Variants in SLC7A2 observed in about 807,000 individuals in gnomAD.
SLC7A2 encodes the protein cationic amino acid transporter 2.
SLC7A2 carries 48 observed loss-of-function variants against 58.9 expected under a neutral mutation model. The observed-to-expected ratio is 0.82, with a 90% CI of 0.65 to 1.04. The LOEUF is 1.04. Among genes scored for constraint, SLC7A2 ranks in the 50% least tolerant of loss-of-function variants. SLC7A2 has a pLI of 0.00. For missense variants in SLC7A2, 1,029 were observed against 818.8 expected (o/e 1.26, Z -3.13); for synonymous variants, 363 against 314.5 (o/e 1.15, Z -1.63).
chr8:17,543,598 G>A lies in SLC7A2; in HGVS notation c.259G>A (p.Ala87Thr). 1 of 1,606,312 alleles carries A rather than the reference G, an allele frequency of 6.2e-7. No homozygotes were observed. The highest frequency in any genetic ancestry group is 8.5e-7 in the Non-Finnish European group (1 of 1,176,332). Residue 87 changes from alanine (A) to threonine (T), a missense_variant, in exon 3 of 13, where the codon GCC becomes ACC. Physicochemically the swap from Ala to Thr is moderately conservative, Grantham distance 58. Transcript: ENST00000494857. ...LASVMAGLCY[A>T]EFGARVPKTG... ...TTCAGTGATGGCTGGCCTCTGCTAT[G>A]CCGAATTTGGGGCCCGTGTTCCCAA...
chr8:17,495,770 G>C (rs1799942201), upstream of SLC7A2, among the ~76,000 whole-genome samples: 1 of 152,132 alleles, frequency 6.6e-6, no homozygotes, highest in Non-Finnish European at 1.5e-5. Context: ...GACTGGTCTC[G>C]AACTCCTGAC....
intron 2 of SLC7A2, among the ~76,000 whole-genome samples, chr8:17,504,589 C>T (rs890458618): frequency 6.6e-6 from 1 of 152,086 alleles, no homozygotes; most frequent in South Asian, 2.1e-4. Flanking sequence ...TTAGAGAACC[C>T]ATATATGTTC....
chr8:17,538,803 C>T (rs762025224), intron 2 of SLC7A2: 5 of 1,613,252 alleles, frequency 3.1e-6, no homozygotes, highest in Non-Finnish European at 4.2e-6. Flanking sequence ...GCAGATGTCT[C>T]ACCACGAAAC....
rs148874201 is a variant in SLC7A2, at chr8:17,558,317, C to T, written c.1218C>T (p.Asp406=). 1,740 of 1,613,224 alleles carry T rather than the reference C, an allele frequency of 1.1e-3. 27 individuals carry two copies. The African/African-American group carries it at 0.02, about 19-fold the overall frequency. ...AVAALMAFLF[D]LKALVDMMSI... ...TAGCTTTGATGGCCTTTCTGTTTGA[C>T]CTGAAGGCGCTTGTGGACATGATGT... is the stretch of plus-strand genomic sequence containing the variant. The change falls in exon 9 of 13, where the codon GAC becomes GAT. Residue 406 remains aspartate, a synonymous_variant. Coordinates refer to ENST00000494857, the MANE Select transcript of SLC7A2 (RefSeq NM_001370338.1).
upstream of SLC7A2, among the ~76,000 whole-genome samples, chr8:17,494,686 C>G (rs561241066): frequency 6.6e-6 from 1 of 152,192 alleles, no homozygotes; most frequent in Non-Finnish European, 1.5e-5. Context: ...CGTGGGCATC[C>G]TATTCTTTCC....
At chr8:17,530,327 G>A (rs1208416884) in intron 2 of SLC7A2, among the ~76,000 whole-genome samples, 1 of 152,164 alleles carries the variant, frequency 6.6e-6, no homozygotes, top group East Asian at 1.9e-4. Flanking sequence ...GGGCAAGGGG[G>A]CAAGGTGGGG....
intron 2 of SLC7A2, among the ~76,000 whole-genome samples, chr8:17,521,176 T>G: frequency 6.6e-6 from 1 of 152,248 alleles, no homozygotes. Flanking sequence ...AAAGAATACA[T>G]TTAAAATATG....
chr8:17,529,607 T>C (rs1012664846), intron 2 of SLC7A2, among the ~76,000 whole-genome samples: 9 of 151,548 alleles, frequency 5.9e-5, no homozygotes, highest in Non-Finnish European at 1.2e-4. Context: ...CTTGGCCCAC[T>C]GCAACCTCTA....
At chr8:17,554,785 CTTT>C in intron 8 of SLC7A2, 86 bp downstream of exon 8, 1 of 1,408,230 alleles carries the variant, frequency 7.1e-7, no homozygotes, top group South Asian at 1.6e-5. Flanking sequence ...AGGTGGTTTT[CTTT>C]TTTGATTTCC....
At position 17,503,410 on chromosome 8, in the gene SLC7A2, C is replaced by T. The variant is rs573896604; in HGVS notation, c.-23+1108C>T. ...GAAGGGTGGCTTTTTCTTTAGATCG[C>T]GAGTTTTTTCCTTCCTGAAATTCAC... On this transcript the variant is annotated intron_variant, in intron 2 of 12. Transcript: ENST00000494857. Among the ~76,000 whole-genome samples, 4 of 152,184 alleles carry T rather than the reference C, an allele frequency of 2.6e-5. No homozygotes were observed. In the South Asian group the frequency reaches 6.2e-4, roughly 24 times the overall value.
chr8:17,560,509 G>T lies in SLC7A2; in HGVS notation c.1480G>T (p.Val494Leu). 1.9e-6 allele frequency: 3 copies of T among 1,613,754 alleles called. No homozygotes were observed. Among genetic ancestry groups the T allele is most frequent in the Non-Finnish European group, 2.5e-6 (3 of 1,179,802 alleles). Residue 494 changes from valine to leucine, a missense_variant, in exon 10 of 13, where the codon GTG becomes TTG. Physicochemically the swap from Val to Leu is conservative, Grantham distance 32. Coordinates refer to ENST00000494857, the MANE Select transcript of SLC7A2 (RefSeq NM_001370338.1). The part of the protein sequence containing the change: ...LLPTQQSASL[V>L]SFLVGFLAFL... ...GCCAACACAGCAGTCAGCTTCTCTC[G>T]TGAGCTTTCTGGTAGGATTCCTAGG... is the stretch of plus-strand genomic sequence containing the variant.
At chr8:17,530,274 C>T (rs1428773355) in intron 2 of SLC7A2, among the ~76,000 whole-genome samples, 1 of 152,144 alleles carries the variant, frequency 6.6e-6, no homozygotes, top group African/African-American at 2.4e-5. Context: ...TTGCTGTGTC[C>T]CTGCAGTAGC....
At chr8:17,553,907 C>G (rs11203869) in intron 7 of SLC7A2, among the ~76,000 whole-genome samples, 1 of 152,168 alleles carries the variant, frequency 6.6e-6, no homozygotes, top group African/African-American at 2.4e-5. Flanking sequence ...TTCCGAACAT[C>G]TCAAGCAAAA....
intron 2 of SLC7A2, among the ~76,000 whole-genome samples, chr8:17,526,130 A>G (rs2720492): frequency 0.43 from 65,477 of 152,030 alleles, 15,209 homozygotes; most frequent in Non-Finnish European, 0.52. Context: ...GACAAATACA[A>G]TCAAAATCCT....
At chr8:17,530,830 C>G (rs1247223128) in intron 2 of SLC7A2, among the ~76,000 whole-genome samples, 1 of 152,034 alleles carries the variant, frequency 6.6e-6, no homozygotes, top group African/African-American at 2.4e-5. Flanking sequence ...CCTTGGCCCC[C>G]CAAAGTGCTG....
intron 10 of SLC7A2, 144 bp downstream of exon 10, chr8:17,560,677 C>G (rs1438659558): frequency 3.0e-6 from 2 of 656,362 alleles, no homozygotes; most frequent in African/African-American, 1.8e-5. Context: ...AAAGCATCAC[C>G]AGTGGTTGAG....
At chr8:17,556,037 G>A (rs1190659143) in intron 8 of SLC7A2, among the ~76,000 whole-genome samples, 2 of 152,044 alleles carry the variant, frequency 1.3e-5, no homozygotes, top group African/African-American at 4.8e-5. Flanking sequence ...TTTTTTCAGG[G>A]TCAGAATGTA....
Position 17,569,080 on chromosome 8 carries a change from T to C in SLC7A2, c.*3934T>C, listed in dbSNP as rs917626842. The stretch of plus-strand genomic sequence containing the variant: ...AAAAGCCATCGGCCTCCAATACCCA[T>C]GATGACAGAGGGAGCACTTGAGCCT... On this transcript the variant is annotated 3_prime_UTR_variant, in exon 13 of 13. Transcript: ENST00000494857. 6.6e-6 allele frequency: 1 copy of C among 152,184 alleles called. No individual in the cohort carries two copies. The highest frequency in any genetic ancestry group is 2.4e-5 in the African/African-American group (1 of 41,458). 9.4% of individuals were successfully genotyped at this position (152,184 alleles called of 1,614,324 possible). A position where few individuals can be genotyped will look rare whatever the true frequency, so the allele number is the denominator to read the frequency against.
chr8:17,546,575 G>C (rs189214414), intron 4 of SLC7A2, among the ~76,000 whole-genome samples: 4 of 152,302 alleles, frequency 2.6e-5, no homozygotes, highest in Admixed American at 6.5e-5. Context: ...TATAAAGGTG[G>C]CTTTGTTATT....
Sources: allele counts gnomAD v4.1 joint callset (sites outside exome capture counted in the v4.1 genomes callset), GRCh38; gene constraint gnomAD v4.1.1; transcripts MANE v1.5; gene names NCBI Gene and HGNC (gene_info 2026-07-23, HGNC 2026-07-21).